Variants in PI4K2A observed in about 807,000 individuals in gnomAD.
PI4K2A encodes the protein phosphatidylinositol 4-kinase type 2 alpha.
A neutral mutation model predicts 55.0 loss-of-function variants in PI4K2A; 20 were observed. The ratio of observed to expected loss-of-function variants is 0.36; its 90% CI spans 0.26 to 0.53. The LOEUF is 0.53. Among genes scored for constraint, PI4K2A ranks in the 20% least tolerant of loss-of-function variants. The pLI, the probability that PI4K2A is intolerant of heterozygous loss-of-function variation, is 0.91. For missense variants in PI4K2A, 463 were observed against 637.1 expected (o/e 0.73, Z 2.94); for synonymous variants, 235 against 258.5 (o/e 0.91, Z 0.87).
chr10:97,647,784 C>T (rs1380662330), intron 1 of PI4K2A, among the ~76,000 whole-genome samples: 2 of 152,050 alleles, frequency 1.3e-5, no homozygotes, highest in African/African-American at 2.4e-5. Flanking sequence ...ATTGCATAAC[C>T]ATAATTACTC....
chr10:97,673,604 G>C, exon 9 of PI4K2A: 1 of 1,614,064 alleles, frequency 6.2e-7, no homozygotes, highest in Non-Finnish European at 8.5e-7. Flanking sequence ...CCCAGGCCTT[G>C]AAAGACAACA....
At chr10:97,665,007 T>C (rs773179346) in intron 6 of PI4K2A, 23 bp downstream of exon 6, 2 of 1,423,114 alleles carry the variant, frequency 1.4e-6, no homozygotes, top group Non-Finnish European at 2.0e-6. Flanking sequence ...ACAATGGTGG[T>C]CTGGCTCTTC....
At chr10:97,670,091 G>T (rs998565972) in intron 8 of PI4K2A, among the ~76,000 whole-genome samples, 4 of 151,840 alleles carry the variant, frequency 2.6e-5, no homozygotes, top group African/African-American at 9.7e-5. Context: ...TAAGAGGTGG[G>T]GTCTCGCTAT....
At chr10:97,648,797 G>C (rs780206154) in intron 1 of PI4K2A, among the ~76,000 whole-genome samples, 2 of 152,220 alleles carry the variant, frequency 1.3e-5, no homozygotes, top group Non-Finnish European at 2.9e-5. Context: ...TGGGGTTCCA[G>C]GGGAGCAGAG....
rs190002664 is a variant in PI4K2A at position 97,656,182 on chromosome 10, A to G, written c.637-103A>G. 14 of 921,200 alleles carry G rather than the reference A, an allele frequency of 1.5e-5. No homozygotes were observed. The East Asian group carries it at 3.5e-4, about 23-fold the overall frequency. The allele number at this position is 921,200 out of a possible 1,614,324, so 57.1% of individuals were successfully genotyped here. ...AAATGTATTCTTTCTGTGCCCTGGA[A>G]GAGGAATAGGATTTGTGAACATCAA... is the stretch of plus-strand genomic sequence containing the variant. On this transcript the variant is annotated intron_variant, in intron 2 of 8. Coordinates refer to ENST00000370631, the Ensembl canonical transcript of PI4K2A. This position sits in a 1 kb window ranked among gnomAD's most constrained non-coding sequence, Gnocchi z 4.5.
At chr10:97,641,001 C>G in exon 1 of PI4K2A, 7 of 1,550,324 alleles carry the variant, frequency 4.5e-6, no homozygotes, top group Non-Finnish European at 5.2e-6. Context: ...TCTGGCCGCT[C>G]AGGCCGCGGC....
intron 8 of PI4K2A, among the ~76,000 whole-genome samples, chr10:97,671,897 G>C (rs904457913): frequency 6.6e-6 from 1 of 151,980 alleles, no homozygotes; most frequent in Non-Finnish European, 1.5e-5. Context: ...CAGGTGACCC[G>C]CCCACTTCGG....
At chr10:97,662,367 A>G (rs901184410) in intron 4 of PI4K2A, among the ~76,000 whole-genome samples, 1 of 152,156 alleles carries the variant, frequency 6.6e-6, no homozygotes, top group Non-Finnish European at 1.5e-5. Flanking sequence ...ATAAAGGCCT[A>G]AGATGTCATT....
intron 1 of PI4K2A, among the ~76,000 whole-genome samples, chr10:97,649,927 A>T (rs1015430639): frequency 6.6e-6 from 1 of 151,980 alleles, no homozygotes; most frequent in African/African-American, 2.4e-5. Context: ...CCCGGCCCAT[A>T]ATACCTTCTT....
chr10:97,650,911 T>C, intron 1 of PI4K2A, 30 bp from the exon 2 acceptor site: 1 of 1,565,076 alleles, frequency 6.4e-7, no homozygotes, highest in Non-Finnish European at 8.8e-7. Flanking sequence ...AACTCGGATT[T>C]AACATCCTCT....
At chr10:97,659,882 C>T (rs542143025) in intron 4 of PI4K2A, among the ~76,000 whole-genome samples, 3 of 152,204 alleles carry the variant, frequency 2.0e-5, no homozygotes, top group South Asian at 2.1e-4. Flanking sequence ...TTGTTGTCCA[C>T]GTGGGGAGAC....
chr10:97,656,764 A>G lies in PI4K2A; in HGVS notation c.769-57A>G. 3 of 1,557,952 alleles carry G rather than the reference A, an allele frequency of 1.9e-6. No individual in the cohort carries two copies. The highest frequency in any genetic ancestry group is 2.7e-6 in the Non-Finnish European group (3 of 1,131,322). ...TAATGGGTATCTGGCATATACTCCAAAGGTCTTTGGATTTGGGCAGTAGGG... is the reference window on the plus strand; with the variant it reads ...TAATGGGTATCTGGCATATACTCCAGAGGTCTTTGGATTTGGGCAGTAGGG... On this transcript the variant is annotated intron_variant, in intron 3 of 8. Coordinates refer to ENST00000370631, the Ensembl canonical transcript of PI4K2A. The surrounding 1 kb of genome is among the most constrained non-coding windows in gnomAD (Gnocchi z 4.5).
intron 8 of PI4K2A, among the ~76,000 whole-genome samples, chr10:97,670,742 T>C (rs551810559): frequency 6.6e-6 from 1 of 152,260 alleles, no homozygotes; most frequent in African/African-American, 2.4e-5. Context: ...AAGAGGATAT[T>C]TGTGGCTTGA....
At chr10:97,668,220 G>A (rs2135761860) in intron 8 of PI4K2A, among the ~76,000 whole-genome samples, 1 of 152,284 alleles carries the variant, frequency 6.6e-6, no homozygotes, top group African/African-American at 2.4e-5. Context: ...CTACCTGTGA[G>A]ATTTTGGGCA....
At chr10:97,655,613 C>A (rs1377296924) in intron 2 of PI4K2A, among the ~76,000 whole-genome samples, 1 of 151,876 alleles carries the variant, frequency 6.6e-6, no homozygotes, top group Non-Finnish European at 1.5e-5. Context: ...CCCTCTGTCA[C>A]CCAGGATAGA....
chr10:97,673,474 T>C, intron 8 of PI4K2A, 107 bp from the exon 9 acceptor site: 1 of 827,356 alleles, frequency 1.2e-6, no homozygotes, highest in Non-Finnish European at 1.9e-6. Context: ...TTTCCATTGG[T>C]ATTTTAAAAA....
chr10:97,642,831 C>T (rs1349805131), intron 1 of PI4K2A, among the ~76,000 whole-genome samples: 19,426 of 33,066 alleles, frequency 0.59, 4,254 homozygotes, highest in African/African-American at 0.64. Context: ...TCCTTCCTTC[C>T]TTCCTTCCTT....
At chr10:97,641,978 A>C (rs2041472187) in intron 1 of PI4K2A, among the ~76,000 whole-genome samples, 1 of 152,174 alleles carries the variant, frequency 6.6e-6, no homozygotes, top group Non-Finnish European at 1.5e-5. Context: ...AGGGTATCTG[A>C]GAAGTGACCT....
At chr10:97,650,174 T>C (rs939138325) in intron 1 of PI4K2A, among the ~76,000 whole-genome samples, 14 of 152,062 alleles carry the variant, frequency 9.2e-5, no homozygotes, top group African/African-American at 3.4e-4. Context: ...GCCCTCGATA[T>C]GTGCATTAGG....
Sources: gnomAD v4.1 joint callset for allele counts (sites outside exome capture counted in the v4.1 genomes callset) on GRCh38, gnomAD v4.1.1 for gene constraint, Gnocchi (gnomAD v3.1) non-coding constraint, MANE v1.5 for transcripts, NCBI Gene and HGNC (gene_info 2026-07-23, HGNC 2026-07-21) for gene names.